Variants in ADAMTSL2 observed in about 807,000 individuals in gnomAD.
The protein encoded by ADAMTSL2 is ADAMTS like 2.
In ADAMTSL2, 55 loss-of-function variants were observed where a neutral mutation model predicts 117.0. The ratio of observed to expected loss-of-function variants is 0.47; its 90% CI spans 0.38 to 0.59. The LOEUF (loss-of-function observed/expected upper bound fraction) is 0.59. Among genes scored for constraint, ADAMTSL2 ranks in the 20% least tolerant of loss-of-function variants. The pLI, the probability that ADAMTSL2 is intolerant of heterozygous loss-of-function variation, is 0.00. For synonymous variants in ADAMTSL2, 572 were observed against 566.4 expected (o/e 1.01, Z -0.14); for missense variants, 1,182 against 1,354.5 (o/e 0.87, Z 2.00).
chr9:133,569,624 G>A lies in ADAMTSL2; in HGVS notation c.2415+46G>A, dbSNP rs111369235. The A allele has an allele frequency of 5.5e-3, 8,427 of 1,541,610 alleles. 378 individuals are homozygous for A. The African/African-American group carries it at 0.097, about 18-fold the overall frequency. On this transcript the variant is annotated intron_variant, in intron 16 of 18. Coordinates refer to ENST00000651351, the MANE Select transcript of ADAMTSL2 (RefSeq NM_014694.4). ...GGAAGGGCCTCCTGGTATCTGGAGA[G>A]CATTTGGCCAGAGAGGAGAGCCAGA...
chr9:133,564,709 AGAGAGAGAGAGGGT>A (rs1322466269), intron 12 of ADAMTSL2, among the ~76,000 whole-genome samples: 1 of 140,470 alleles, frequency 7.1e-6, no homozygotes, highest in Non-Finnish European at 1.6e-5. Flanking sequence ...AGAGAGAAGG[AGAGAGAGAGAGGGT>A]GAGAGAGAGA....
chr9:133,542,541 G>A (rs1185732454), intron 7 of ADAMTSL2, among the ~76,000 whole-genome samples: 4 of 152,202 alleles, frequency 2.6e-5, no homozygotes, highest in Admixed American at 6.5e-5. Flanking sequence ...GGGGCCAAGG[G>A]GCTGACATGC....
intron 12 of ADAMTSL2, among the ~76,000 whole-genome samples, chr9:133,565,792 G>C (rs1015325907): frequency 6.6e-6 from 1 of 151,818 alleles, no homozygotes; most frequent in Non-Finnish European, 1.5e-5. Flanking sequence ...AGCCAAGACC[G>C]TTCCATGATG....
chr9:133,547,238 GC>G (rs1564498919), intron 9 of ADAMTSL2, 25 bp downstream of exon 9: 10 of 1,603,198 alleles, frequency 6.2e-6, no homozygotes, highest in South Asian at 2.2e-5. Context: ...GGCCTTGGGG[GC>G]CCCAGGGGCC....
intron 4 of ADAMTSL2, among the ~76,000 whole-genome samples, chr9:133,538,806 C>T (rs1052484228): frequency 1.3e-5 from 2 of 152,088 alleles, no homozygotes; most frequent in Admixed American, 6.5e-5. Context: ...TGAAACAGTA[C>T]CCCCCACGCC....
intron 9 of ADAMTSL2, among the ~76,000 whole-genome samples, chr9:133,548,471 C>T (rs1231582525): frequency 6.6e-6 from 1 of 151,934 alleles, no homozygotes; most frequent in East Asian, 1.9e-4. Flanking sequence ...AGGTCAGGGT[C>T]CCCAGAAAAT....
chr9:133,548,413 G>A (rs974114830), intron 9 of ADAMTSL2, among the ~76,000 whole-genome samples: 5 of 152,206 alleles, frequency 3.3e-5, no homozygotes, highest in African/African-American at 1.2e-4. Context: ...GTGTCTGGAG[G>A]TGGACTGACC....
Position 133,555,860 on chromosome 9 carries a change from T to G in ADAMTSL2, c.1579T>G (p.Ser527Ala). 4 of 1,613,224 alleles carry G rather than the reference T, an allele frequency of 2.5e-6. No individual in the cohort carries two copies. The South Asian group carries it at 3.3e-5, about 13-fold the overall frequency. The change falls in exon 11 of 19, where the codon TCC becomes GCC. Residue 527 changes from serine to alanine, a missense_variant. This residue lies in a region of ADAMTSL2 where 345 missense variants were observed against 325.8 expected (regional missense o/e 1.06). Coordinates refer to ENST00000651351, the MANE Select transcript of ADAMTSL2 (RefSeq NM_014694.4). ...CAGCGACAGGGTTGCCAACAGCTCC[T>G]CCGAGGCCCCATTCCCCAACGTTAG... The part of the protein sequence containing the change: ...LSSDRVANSS[S>A]EAPFPNVSTS...
rs1421596689 is a variant in ADAMTSL2 at position 133,534,867 on chromosome 9, C to T, written c.-201C>T. ...AGCGCACCTGGCGCCGTCTGCCCTC[C>T]GCAGCGCTCGCCCCTTTCTCTGGGA... On this transcript the variant is annotated 5_prime_UTR_variant, in exon 1 of 19. Coordinates refer to ENST00000651351, the MANE Select transcript of ADAMTSL2 (RefSeq NM_014694.4). 5 of 1,483,764 alleles carry T rather than the reference C, an allele frequency of 3.4e-6. No homozygotes were observed. The highest frequency in any genetic ancestry group is 1.4e-5 in the African/African-American group (1 of 69,052). The allele number at this position is 1,483,764 out of a possible 1,614,324, so 91.9% of individuals were successfully genotyped here.
Position 133,569,372 on chromosome 9 carries a change from T to C in ADAMTSL2, c.2245-36T>C. 26 of 1,608,626 alleles carry C rather than the reference T, an allele frequency of 1.6e-5. No individual in the cohort carries two copies. In the South Asian group the frequency reaches 2.8e-4, roughly 17 times the overall value. On this transcript the variant is annotated intron_variant, in intron 15 of 18. Coordinates refer to ENST00000651351, the MANE Select transcript of ADAMTSL2 (RefSeq NM_014694.4). The stretch of plus-strand genomic sequence containing the variant: ...GGGCCCCTCCTGGTGTGGCTGCCTC[T>C]CACTGGATGTCCCCTGCCTGTCCTC...
chr9:133,539,487 C>A (rs916588171), intron 4 of ADAMTSL2, among the ~76,000 whole-genome samples: 22 of 152,316 alleles, frequency 1.4e-4, no homozygotes, highest in Non-Finnish European at 2.6e-4. Context: ...CCCTCCACCG[C>A]AAGGCTGGGA....
intron 9 of ADAMTSL2, among the ~76,000 whole-genome samples, chr9:133,547,493 G>T (rs1160101572): frequency 6.6e-6 from 1 of 152,202 alleles, no homozygotes; most frequent in Non-Finnish European, 1.5e-5. Context: ...TCATTTACCT[G>T]TTCACTTCTC....
At position 133,534,833 on chromosome 9, in the gene ADAMTSL2, C is replaced by G. The variant is rs1444206770; in HGVS notation, c.-235C>G. 6 of 1,499,798 alleles carry G rather than the reference C, an allele frequency of 4.0e-6. No homozygotes were observed. Among genetic ancestry groups the G allele is most frequent in the Admixed American group, 2.2e-5 (1 of 45,484 alleles). The allele number at this position is 1,499,798 out of a possible 1,614,324, so 92.9% of individuals were successfully genotyped here. ...GCAGCCTCTGCACTCACGCCGCCCCCGCACGCACAGCGCACCTGGCGCCGT... is the reference window on the plus strand; with the variant it reads ...GCAGCCTCTGCACTCACGCCGCCCCGGCACGCACAGCGCACCTGGCGCCGT... On this transcript the variant is annotated 5_prime_UTR_variant, in exon 1 of 19. Coordinates refer to ENST00000651351, the MANE Select transcript of ADAMTSL2 (RefSeq NM_014694.4).
intron 4 of ADAMTSL2, among the ~76,000 whole-genome samples, chr9:133,539,552 T>A (rs566780346): frequency 6.4e-5 from 9 of 140,578 alleles, no homozygotes; most frequent in African/African-American, 2.3e-4. Context: ...AGGGCTGGCG[T>A]GGGGGGCGGA....
chr9:133,551,629 G>T (rs1830485486), intron 9 of ADAMTSL2, among the ~76,000 whole-genome samples: 1 of 151,500 alleles, frequency 6.6e-6, no homozygotes, highest in Non-Finnish European at 1.5e-5. Context: ...AGAACCATAG[G>T]GTGCTATGTT....
intron 2 of ADAMTSL2, 65 bp from the exon 3 acceptor site, chr9:133,537,340 G>T: frequency 7.6e-7 from 1 of 1,324,010 alleles, no homozygotes; most frequent in Non-Finnish European, 9.7e-7. Flanking sequence ...CGGGCATGGG[G>T]TGGGGGCAGG....
At chr9:133,563,346 G>T (rs1830792497) in intron 12 of ADAMTSL2, among the ~76,000 whole-genome samples, 1 of 152,236 alleles carries the variant, frequency 6.6e-6, no homozygotes, top group Non-Finnish European at 1.5e-5. Flanking sequence ...TGTCAGCAGG[G>T]TGTCTGCTTT....
chr9:133,534,553 G>A (rs768031927), upstream of ADAMTSL2: 440 of 915,642 alleles, frequency 4.8e-4, 1 homozygote, highest in Non-Finnish European at 6.1e-4. Flanking sequence ...CAGGCAGCTG[G>A]GCCGGCCTGG....
chr9:133,564,482 G>C (rs370442507), intron 12 of ADAMTSL2, among the ~76,000 whole-genome samples: 7 of 40,808 alleles, frequency 1.7e-4, no homozygotes, highest in African/African-American at 4.4e-4. Context: ...GAGAGGGAGA[G>C]AGAGAGGGAG....
Sources: gnomAD v4.1 joint callset for allele counts (sites outside exome capture counted in the v4.1 genomes callset) on GRCh38, gnomAD v4.1.1 for gene constraint, gnomAD v4.1.1 regional missense constraint, MANE v1.5 for transcripts, NCBI Gene and HGNC (gene_info 2026-07-23, HGNC 2026-07-21) for gene names.